The following WNT5B variants were observed in gnomAD, a reference collection of about 807,000 sequenced individuals.
WNT5B encodes Wnt family member 5B, also known as protein Wnt-5b.
Under a neutral mutation model 36.5 loss-of-function variants are expected in WNT5B, and 18 were observed. The observed-to-expected ratio is 0.49, with a 90% CI of 0.34 to 0.73. WNT5B has a LOEUF of 0.73. Ranked by LOEUF, WNT5B falls within the 30% of genes least tolerant of loss-of-function variation. The pLI, the probability that WNT5B is intolerant of heterozygous loss-of-function variation, is 0.01. For synonymous variants in WNT5B, 213 were observed against 212.3 expected, an observed-to-expected ratio of 1.00 and a Z score of -0.03; for missense variants, 424 against 508.4, an observed-to-expected ratio of 0.83 and a Z score of 1.60.
At position 1,633,275 on chromosome 12, in the gene WNT5B, A is replaced by C. The variant is rs995038492; in HGVS notation, c.328+370A>C. Among the ~76,000 whole-genome samples, 3 of 152,098 alleles carry C rather than the reference A, an allele frequency of 2.0e-5. No homozygotes were observed. The highest frequency in any genetic ancestry group is 2.0e-4 in the Admixed American group (3 of 15,278). Reference sequence around the variant, plus strand: ...ACTGCCTTTGTGTCTCAGTGCAAAAAAGAGCCTTGGGTAGAGAACCAGAAA... The same window carrying C: ...ACTGCCTTTGTGTCTCAGTGCAAAACAGAGCCTTGGGTAGAGAACCAGAAA... On this transcript the variant is annotated intron_variant, in intron 3 of 4. Coordinates refer to ENST00000397196, the MANE Select transcript of WNT5B (RefSeq NM_032642.3). This position sits in a 1 kb window ranked among gnomAD's most constrained non-coding sequence, Gnocchi z 4.8.
chr12:1,638,068 G>GA (rs912629315), intron 3 of WNT5B, among the ~76,000 whole-genome samples: 17 of 152,156 alleles, frequency 1.1e-4, no homozygotes, highest in African/African-American at 3.6e-4. Context: ...CTAACACGGT[G>GA]AAACCCCATC....
intron 1 of WNT5B, among the ~76,000 whole-genome samples, chr12:1,620,697 C>A (rs1179644780): frequency 2.3e-4 from 30 of 130,422 alleles, no homozygotes; most frequent in Non-Finnish European, 3.3e-5. Context: ...CGCCACCACA[C>A]CCAGCAAATT....
chr12:1,639,954 A>G lies in WNT5B; in HGVS notation c.599A>G (p.Gln200Arg), dbSNP rs370999926. The change falls in exon 4 of 5, where the codon CAA (glutamine) becomes CGA (arginine). Residue 200 changes from glutamine (Q) to arginine (R), a missense_variant. By Grantham distance (43) the Gln-to-Arg change is conservative. Coordinates refer to ENST00000397196, the MANE Select transcript of WNT5B (RefSeq NM_032642.3). ...EEQGRVLMNL[Q>R]NNEAGRRAVY... ...CAGGGCCGGGTGCTCATGAACCTGCAAAACAACGAGGCCGGTCGCAGGGTA... is the reference window on the plus strand; with the variant it reads ...CAGGGCCGGGTGCTCATGAACCTGCGAAACAACGAGGCCGGTCGCAGGGTA... The G allele has an allele frequency of 2.4e-5, 39 of 1,613,380 alleles. No homozygotes were observed. In the African/African-American group the frequency reaches 3.5e-4, roughly 14 times the overall value.
At chr12:1,623,196 T>TTTTTTTG (rs2094536480) in intron 1 of WNT5B, among the ~76,000 whole-genome samples, 1 of 114,888 alleles carries the variant, frequency 8.7e-6, no homozygotes, top group Non-Finnish European at 1.8e-5. Context: ...TGTTTTTTTT[T>TTTTTTTG]TTTTTTTTTT....
chr12:1,641,984 G>T (rs764074377), intron 4 of WNT5B, among the ~76,000 whole-genome samples: 1 of 152,216 alleles, frequency 6.6e-6, no homozygotes, highest in African/African-American at 2.4e-5. Context: ...GACCAGAGTG[G>T]GTTATATGCC....
At chr12:1,635,391 G>C (rs553372926) in intron 3 of WNT5B, among the ~76,000 whole-genome samples, 13 of 152,338 alleles carry the variant, frequency 8.5e-5, no homozygotes, top group African/African-American at 2.9e-4. Context: ...AACGTAAAAG[G>C]CTTAATAGTT....
At chr12:1,636,497 C>CCATATA (rs1344102251) in intron 3 of WNT5B, among the ~76,000 whole-genome samples, 2 of 81,104 alleles carry the variant, frequency 2.5e-5, no homozygotes, top group African/African-American at 9.1e-5. Flanking sequence ...GTGTTGCAGT[C>CCATATA]TATATATATA....
Position 1,639,971 on chromosome 12 carries a change from C to T in WNT5B, c.616C>T (p.Arg206Cys). The change falls in exon 4 of 5, where the codon CGC becomes TGC. Residue 206 changes from arginine to cysteine, a missense_variant. By Grantham distance (180) the Arg-to-Cys change is radical. Transcript: ENST00000397196. Reference sequence around the variant, plus strand: ...GAACCTGCAAAACAACGAGGCCGGTCGCAGGGTAAGCTGGGCCTCCCCGGC... The same window carrying T: ...GAACCTGCAAAACAACGAGGCCGGTTGCAGGGTAAGCTGGGCCTCCCCGGC... ...LMNLQNNEAG[R>C]RAVYKMADVA... The T allele has an allele frequency of 6.2e-7, 1 of 1,611,086 alleles. No homozygotes were observed. Among genetic ancestry groups the T allele is most frequent in the Non-Finnish European group, 8.5e-7 (1 of 1,178,894 alleles).
chr12:1,628,952 T>C (rs1033797528), upstream of WNT5B, among the ~76,000 whole-genome samples: 14 of 151,820 alleles, frequency 9.2e-5, no homozygotes, highest in African/African-American at 3.4e-4. Flanking sequence ...CGCGTGCATA[T>C]GTGTGTATGG....
intron 1 of WNT5B, chr12:1,629,874 TGTTA>T (rs2154439493): frequency 6.6e-6 from 1 of 151,614 alleles, no homozygotes; most frequent in East Asian, 2.0e-4. Context: ...GCGTGGAAGC[TGTTA>T]GTCCCGGGCT....
intron 3 of WNT5B, among the ~76,000 whole-genome samples, chr12:1,638,619 A>G (rs1592532848): frequency 6.6e-6 from 1 of 152,210 alleles, no homozygotes; most frequent in Non-Finnish European, 1.5e-5. Context: ...ATGAATGTTG[A>G]GGTGGTTCAC....
chr12:1,636,372 T>C (rs1307000525), intron 3 of WNT5B, among the ~76,000 whole-genome samples: 1 of 151,522 alleles, frequency 6.6e-6, no homozygotes, highest in Non-Finnish European at 1.5e-5. Flanking sequence ...ACCACTATTC[T>C]TTCTGTCTCC....
At position 1,630,379 on chromosome 12, in the gene WNT5B, G is replaced by T. The variant is rs2094548199; in HGVS notation, c.-57-919G>T. ...TGCGGGTCCCAGGGCCTGGGGACAG[G>T]GGCTCTCGGGGGCGGATAGAGGAAC... is the stretch of plus-strand genomic sequence containing the variant. On this transcript the variant is annotated intron_variant, in intron 1 of 4. Transcript: ENST00000397196. The surrounding 1 kb of genome is among the most constrained non-coding windows in gnomAD (Gnocchi z 5.3). 6.6e-6 allele frequency among the ~76,000 whole-genome samples: 1 copy of T among 152,308 alleles called. No homozygotes were observed. Among genetic ancestry groups the T allele is most frequent in the East Asian group, 1.9e-4 (1 of 5,176 alleles).
In WNT5B at chr12:1,631,300, A is replaced by AACC; in HGVS notation, c.-54_-52dup. 6.2e-7 allele frequency: 1 copy of AACC among 1,606,136 alleles called. No individual in the cohort carries two copies. The highest frequency in any genetic ancestry group is 8.5e-7 in the Non-Finnish European group (1 of 1,174,876). On this transcript the variant is annotated 5_prime_UTR_variant, in exon 2 of 5. Transcript: ENST00000397196. ...CTCTCCATTTCTGTTTTCTCCAGGGAACCCTACTCTGGAAACTGTCAGTCC... is the reference window on the plus strand; with the variant it reads ...CTCTCCATTTCTGTTTTCTCCAGGGAACCACCCTACTCTGGAAACTGTCAGTCC...
At chr12:1,626,074 G>A (rs368514559), upstream of WNT5B, among the ~76,000 whole-genome samples, 17 of 151,208 alleles carry the variant, frequency 1.1e-4, no homozygotes, top group East Asian at 2.5e-3. Context: ...GAACTCCTGG[G>A]CTCAAGCGAT....
In WNT5B at chr12:1,618,196, G is replaced by T. The variant is rs1252872520; in HGVS notation, c.-58+1053G>T. ...GTTGGTGATCCTGGTTTTAAAAGTTGCATGGTTTCCCCAGGTCCTTTAAAA... is the reference window on the plus strand; with the variant it reads ...GTTGGTGATCCTGGTTTTAAAAGTTTCATGGTTTCCCCAGGTCCTTTAAAA... On this transcript the variant is annotated intron_variant, in intron 1 of 4. Coordinates refer to the WNT5B transcript ENST00000310594. This position sits in a 1 kb window ranked among gnomAD's most constrained non-coding sequence, Gnocchi z 4.1. 6.6e-6 allele frequency among the ~76,000 whole-genome samples: 1 copy of T among 152,170 alleles called. No individual in the cohort carries two copies. The highest frequency in any genetic ancestry group is 1.5e-5 in the Non-Finnish European group (1 of 68,034).
intron 3 of WNT5B, among the ~76,000 whole-genome samples, chr12:1,635,757 C>T (rs2094559428): frequency 6.6e-6 from 1 of 152,250 alleles, no homozygotes; most frequent in African/African-American, 2.4e-5. Flanking sequence ...GGCCATCTTA[C>T]CATCCCCAGT....
Position 1,644,256 on chromosome 12 carries a change from C to A in WNT5B, c.622-1538C>A, listed in dbSNP as rs574257851. Among the ~76,000 whole-genome samples, 9 of 152,262 alleles carry A rather than the reference C, an allele frequency of 5.9e-5. No homozygotes were observed. The East Asian group carries it at 1.7e-3, about 29-fold the overall frequency. On this transcript the variant is annotated intron_variant, in intron 4 of 4. Transcript: ENST00000397196. This position sits in a 1 kb window ranked among gnomAD's most constrained non-coding sequence, Gnocchi z 5.1. ...GGATGGGGTGTCAGTTCCTTTATGTCTTGGACCTGGAGCTGCCCGGCTAAG... is the reference window on the plus strand; with the variant it reads ...GGATGGGGTGTCAGTTCCTTTATGTATTGGACCTGGAGCTGCCCGGCTAAG...
At chr12:1,634,939 C>T (rs1409382261) in intron 3 of WNT5B, among the ~76,000 whole-genome samples, 3 of 152,188 alleles carry the variant, frequency 2.0e-5, no homozygotes, top group African/African-American at 4.8e-5. Context: ...TAGTAGCTCA[C>T]GGCTGCTTTT....
Sources: allele counts gnomAD v4.1 joint callset (sites outside exome capture counted in the v4.1 genomes callset), GRCh38; gene constraint gnomAD v4.1.1; non-coding constraint Gnocchi (gnomAD v3.1); transcripts MANE v1.5; gene names NCBI Gene and HGNC (gene_info 2026-07-23, HGNC 2026-07-21).